DLG2: variants seen among roughly 807,000 people sequenced by gnomAD.
The protein encoded by DLG2 is discs large MAGUK scaffold protein 2.
In DLG2, 45 loss-of-function variants were observed where a neutral mutation model predicts 132.5. The ratio of observed to expected loss-of-function variants is 0.34; its 90% CI spans 0.27 to 0.44. The LOEUF (loss-of-function observed/expected upper bound fraction) is 0.44. Ranked by LOEUF, DLG2 falls within the 20% of genes least tolerant of loss-of-function variation. The probability of loss-of-function intolerance (pLI) is 1.00; values close to 1 mark genes in which losing one functional copy is unlikely to be tolerated. For synonymous variants in DLG2, 424 were observed against 419.6 expected (o/e 1.01, Z -0.13); for missense variants, 1,045 against 1,196.9 (o/e 0.87, Z 1.87).
At position 85,461,640 on chromosome 11, in the gene DLG2, A is replaced by G. The variant is rs532386979; in HGVS notation, c.40+137017T>C. Among the ~76,000 whole-genome samples, 4 of 152,284 alleles carry G rather than the reference A, an allele frequency of 2.6e-5. No homozygotes were observed. The East Asian group carries it at 7.7e-4, about 29-fold the overall frequency. ...ACTTAGGCATGGGGAATACTCCTTGATCTTTATCTTTATTATCTCTACTAT... is the reference window on the plus strand; with the variant it reads ...ACTTAGGCATGGGGAATACTCCTTGGTCTTTATCTTTATTATCTCTACTAT... On this transcript the variant is annotated intron_variant, in intron 3 of 27. Transcript: ENST00000376104.
At chr11:84,496,743 T>C (rs2099185415) in intron 7 of DLG2, among the ~76,000 whole-genome samples, 1 of 152,162 alleles carries the variant, frequency 6.6e-6, no homozygotes. Context: ...TTTATTTATG[T>C]TATCTTATTT....
chr11:84,021,064 T>C (rs1022545614), intron 11 of DLG2, among the ~76,000 whole-genome samples: 10 of 152,162 alleles, frequency 6.6e-5, no homozygotes, highest in Non-Finnish European at 1.5e-5. Flanking sequence ...GGAGGGACTA[T>C]AGAGATGAGT....
intron 8 of DLG2, among the ~76,000 whole-genome samples, chr11:84,179,013 T>A (rs1214525702): frequency 1.3e-5 from 2 of 152,026 alleles, no homozygotes; most frequent in African/African-American, 4.8e-5. Context: ...AAATAGAAGC[T>A]ATTTCTCAGG....
chr11:85,195,773 G>T (rs1053847800), intron 4 of DLG2, among the ~76,000 whole-genome samples: 1 of 152,036 alleles, frequency 6.6e-6, no homozygotes, highest in Admixed American at 6.5e-5. Context: ...TGATCCGCCC[G>T]CCTCGGCCTC....
intron 6 of DLG2, among the ~76,000 whole-genome samples, chr11:84,877,652 A>G (rs1490213565): frequency 1.3e-5 from 2 of 150,606 alleles, no homozygotes; most frequent in African/African-American, 4.9e-5. Context: ...CTTTTTACCG[A>G]TTTGCCAGTC....
At chr11:85,358,656 G>A (rs2152896347) in intron 3 of DLG2, among the ~76,000 whole-genome samples, 1 of 152,294 alleles carries the variant, frequency 6.6e-6, no homozygotes, top group South Asian at 2.1e-4. Flanking sequence ...TGCTTCAAGT[G>A]TTATCAATAA....
intron 3 of DLG2, among the ~76,000 whole-genome samples, chr11:85,356,848 C>G (rs557119274): frequency 6.6e-6 from 1 of 151,838 alleles, no homozygotes; most frequent in East Asian, 1.9e-4. Flanking sequence ...CAGACACACA[C>G]TCTTTCATTT....
intron 8 of DLG2, among the ~76,000 whole-genome samples, chr11:84,208,637 C>G (rs535668878): frequency 1.3e-5 from 2 of 151,890 alleles, no homozygotes; most frequent in Non-Finnish European, 2.9e-5. Flanking sequence ...AGCCACCACT[C>G]CTGGCCAGAA....
At chr11:85,006,298 A>C (rs1314337961) in intron 6 of DLG2, among the ~76,000 whole-genome samples, 1 of 152,190 alleles carries the variant, frequency 6.6e-6, no homozygotes, top group African/African-American at 2.4e-5. Flanking sequence ...TTTCAGAAGG[A>C]ATATTACCAG....
chr11:84,051,361 C>T (rs4373958), intron 11 of DLG2, among the ~76,000 whole-genome samples: 118,865 of 151,546 alleles, frequency 0.78, 47,126 homozygotes, highest in Non-Finnish European at 0.86. Flanking sequence ...ATAGCAAAGA[C>T]TTGGAACCAA....
In DLG2 at chr11:83,871,332, A is replaced by G. The variant is rs143986026; in HGVS notation, c.1565+3088T>C. On this transcript the variant is annotated intron_variant, in intron 16 of 27. Transcript: ENST00000376104. The stretch of plus-strand genomic sequence containing the variant: ...CAGTGACTCTATGGTAGAGGACTCA[A>G]TTAGATAGTTTTGTTGTCTCAATGG... Among the ~76,000 whole-genome samples, 1,155 of 152,308 alleles carry G rather than the reference A, an allele frequency of 7.6e-3. 9 individuals carry two copies. The highest frequency in any genetic ancestry group is 0.012 in the Non-Finnish European group (796 of 68,036).
At chr11:83,819,492 AGAAGAAAAG>A (rs766158935) in intron 17 of DLG2, among the ~76,000 whole-genome samples, 4 of 48,808 alleles carry the variant, frequency 8.2e-5, no homozygotes, top group African/African-American at 3.4e-4. Context: ...AAAAAAAAAA[AGAAGAAAAG>A]AAAAAGAAAA....
At chr11:83,675,309 A>G (rs1235766743) in intron 18 of DLG2, among the ~76,000 whole-genome samples, 2 of 152,212 alleles carry the variant, frequency 1.3e-5, no homozygotes, top group Non-Finnish European at 2.9e-5. Context: ...ATTTTACTCT[A>G]TGTCTCATTC....
chr11:84,629,063 T>C (rs1006109282), intron 6 of DLG2, among the ~76,000 whole-genome samples: 2 of 152,216 alleles, frequency 1.3e-5, no homozygotes, highest in Non-Finnish European at 2.9e-5. Flanking sequence ...AAATTACATA[T>C]TGCACAGCAT....
chr11:85,607,021 T>G (rs1447905948), intron 2 of DLG2, among the ~76,000 whole-genome samples: 1 of 152,172 alleles, frequency 6.6e-6, no homozygotes, highest in Non-Finnish European at 1.5e-5. Flanking sequence ...CCACCAATTC[T>G]GGACACATTT....
chr11:85,007,127 T>C (rs551259527), intron 6 of DLG2, among the ~76,000 whole-genome samples: 26 of 152,284 alleles, frequency 1.7e-4, no homozygotes, highest in Admixed American at 1.4e-3. Flanking sequence ...AATATAGTTT[T>C]TAGGGCCAGA....
In DLG2 at chr11:84,955,468, A is replaced by G. The variant is rs958774229; in HGVS notation, c.357+156193T>C. On this transcript the variant is annotated intron_variant, in intron 6 of 27. Transcript: ENST00000376104. Reference sequence around the variant, plus strand: ...TCTTAATCATATTTTATAGCCTCACAATAAATTAGAATAAATTAACCGTTC... The same window carrying G: ...TCTTAATCATATTTTATAGCCTCACGATAAATTAGAATAAATTAACCGTTC... 2.6e-5 allele frequency: 4 copies of G among 152,246 alleles called. No individual in the cohort carries two copies. In the Middle Eastern group the frequency reaches 0.01, roughly 388 times the overall value. 9.4% of individuals were successfully genotyped at this position (152,246 alleles called of 1,614,324 possible).
intron 6 of DLG2, among the ~76,000 whole-genome samples, chr11:84,803,026 C>A (rs1320518114): frequency 6.6e-6 from 1 of 152,108 alleles, no homozygotes; most frequent in Non-Finnish European, 1.5e-5. Flanking sequence ...CCTCAATCTC[C>A]TGACCCTCGT....
intron 6 of DLG2, among the ~76,000 whole-genome samples, chr11:84,615,839 AAC>A (rs58323453): frequency 0.072 from 10,483 of 146,038 alleles, 854 homozygotes; most frequent in South Asian, 0.17. Context: ...AAAAAAAAAA[AAC>A]TTCATTCCAG....
Sources: gnomAD v4.1 joint callset for allele counts (sites outside exome capture counted in the v4.1 genomes callset) on GRCh38, gnomAD v4.1.1 for gene constraint, MANE v1.5 for transcripts, NCBI Gene and HGNC (gene_info 2026-07-23, HGNC 2026-07-21) for gene names.